ZNF536: variants seen among roughly 807,000 people sequenced by gnomAD.
ZNF536 encodes the protein zinc finger protein 536.
In ZNF536, 13 loss-of-function variants were observed where a neutral mutation model predicts 84.5. The ratio of observed to expected loss-of-function variants is 0.15; its 90% CI spans 0.10 to 0.24. The LOEUF (loss-of-function observed/expected upper bound fraction) is 0.24, where lower values mean the gene tolerates loss of function less well. ZNF536 is among the 10% of genes least tolerant of loss of function. ZNF536 has a pLI of 1.00. For synonymous variants in ZNF536, 811 were observed against 742.5 expected, an observed-to-expected ratio of 1.09 and a Z score of -1.50; for missense variants, 1,536 against 1,747.5, an observed-to-expected ratio of 0.88 and a Z score of 2.16.
chr19:30,665,418 G>A (rs1340111887), intron 1 of ZNF536: 1 of 152,228 alleles, frequency 6.6e-6, no homozygotes, highest in Non-Finnish European at 1.5e-5. Flanking sequence ...GCTGTCTTGG[G>A]GGATGTTTCT....
chr19:30,547,986 G>T lies in ZNF536; in HGVS notation c.2367G>T (p.Thr789=), dbSNP rs764448830. The T allele has an allele frequency of 1.3e-6, 2 of 1,596,112 alleles. No individual in the cohort carries two copies. Among genetic ancestry groups the T allele is most frequent in the South Asian group, 1.1e-5 (1 of 88,242 alleles). The stretch of plus-strand genomic sequence containing the variant: ...GTCCGCACTGTGACTATGCCGGCAC[G>T]CAGTCAGCATCCTTAAAATACCACT... ...YKCPHCDYAG[T]QSASLKYHLE... is the part of the protein sequence containing the mutation. The change falls in exon 4 of 5, where the codon ACG becomes ACT. Residue 789 remains threonine, a synonymous_variant. Coordinates refer to ENST00000355537, the MANE Select transcript of ZNF536 (RefSeq NM_014717.3).
chr19:30,470,443 C>G (rs2053584916), intron 2 of ZNF536, among the ~76,000 whole-genome samples: 2 of 150,676 alleles, frequency 1.3e-5, no homozygotes, highest in Non-Finnish European at 2.9e-5. Flanking sequence ...GGTCTAGGAT[C>G]TCATCCATAA....
rs772603204 is a variant in ZNF536 at position 30,647,448 on chromosome 19, G to A, written c.170-63309G>A. Among the ~76,000 whole-genome samples the A allele has an allele frequency of 1.1e-4, 17 of 152,046 alleles. No individual in the cohort carries two copies. The East Asian group carries it at 1.2e-3, about 10-fold the overall frequency. The stretch of plus-strand genomic sequence containing the variant: ...TCTAAGATGGTTCCCATCTGCTCCC[G>A]GAGTTATCAGTCCTTAGACACTCTA... On this transcript the variant is annotated intron_variant, in intron 1 of 1. Coordinates refer to the ZNF536 transcript ENST00000592773.
chr19:30,274,446 A>T (rs2026017821), intron 1 of ZNF536, among the ~76,000 whole-genome samples: 1 of 152,284 alleles, frequency 6.6e-6, no homozygotes, highest in Non-Finnish European at 1.5e-5. Context: ...AAGAATATTA[A>T]TGAGACATTT....
At chr19:30,459,456 T>C (rs546030971) in intron 2 of ZNF536, among the ~76,000 whole-genome samples, 16 of 151,964 alleles carry the variant, frequency 1.1e-4, no homozygotes, top group African/African-American at 3.9e-4. Flanking sequence ...GTTCAAGTGA[T>C]TCTCCCACTT....
intron 1 of ZNF536, among the ~76,000 whole-genome samples, chr19:30,580,206 CAG>C (rs961251754): frequency 2.7e-4 from 41 of 152,220 alleles, no homozygotes; most frequent in African/African-American, 8.7e-4. Flanking sequence ...GTCCAGGCCA[CAG>C]AGAGCCCCGG....
At chr19:30,667,592 T>C (rs2050380533) in intron 1 of ZNF536, among the ~76,000 whole-genome samples, 2 of 150,062 alleles carry the variant, frequency 1.3e-5, no homozygotes, top group African/African-American at 4.9e-5. Flanking sequence ...TAAAACAATG[T>C]CAGAAGACTC....
chr19:30,694,566 G>A (rs891088214), intron 1 of ZNF536, among the ~76,000 whole-genome samples: 19 of 152,192 alleles, frequency 1.2e-4, no homozygotes, highest in Admixed American at 3.3e-4. Context: ...GCTCCCCAGC[G>A]GCTGCCTCCA....
intron 2 of ZNF536, among the ~76,000 whole-genome samples, chr19:30,482,266 C>T (rs2054121380): frequency 1.3e-5 from 2 of 152,200 alleles, no homozygotes; most frequent in Admixed American, 1.3e-4. Context: ...CTGTTTTCCA[C>T]AGTGGTTGTA....
At chr19:30,380,812 C>G (rs1862626607) in intron 1 of ZNF536, among the ~76,000 whole-genome samples, 15 of 151,962 alleles carry the variant, frequency 9.9e-5, no homozygotes. Flanking sequence ...CCCAGGTGCC[C>G]GATGCGTGTT....
chr19:30,311,637 C>T (rs962010290), intron 2 of ZNF536, among the ~76,000 whole-genome samples: 2 of 152,216 alleles, frequency 1.3e-5, no homozygotes, highest in African/African-American at 4.8e-5. Flanking sequence ...TCTCTCTTCC[C>T]CCACCCCCAC....
At chr19:30,292,884 A>G (rs554876169) in intron 2 of ZNF536, among the ~76,000 whole-genome samples, 2 of 152,340 alleles carry the variant, frequency 1.3e-5, no homozygotes, top group South Asian at 2.1e-4. Flanking sequence ...AGGCATGTCA[A>G]CACGCACAGG....
intron 2 of ZNF536, among the ~76,000 whole-genome samples, chr19:30,520,968 C>A (rs2044297167): frequency 6.6e-6 from 1 of 152,238 alleles, no homozygotes; most frequent in Admixed American, 6.5e-5. Context: ...CAGTGGCTTC[C>A]CCACTCTGCC....
At chr19:30,473,800 T>C (rs1038538379) in intron 2 of ZNF536, among the ~76,000 whole-genome samples, 3 of 152,212 alleles carry the variant, frequency 2.0e-5, no homozygotes, top group African/African-American at 7.2e-5. Context: ...CCTTCCTTGA[T>C]GATGCTTACC....
rs1346284144 is a variant in ZNF536, at chr19:30,342,322, A to G, written c.-119-10046A>G. On this transcript the variant is annotated intron_variant, in intron 2 of 5. Coordinates refer to the ZNF536 transcript ENST00000585628. ...TACTCCAAGATGTTTATTTATTTAT[A>G]TATTTATTTATTTTGCTATCTTAAA... Among the ~76,000 whole-genome samples, 8 of 152,284 alleles carry G rather than the reference A, an allele frequency of 5.3e-5. No individual in the cohort carries two copies. The South Asian group carries it at 1.7e-3, about 32-fold the overall frequency.
rs1261007332 is a variant in ZNF536 at position 30,548,904 on chromosome 19, A to G, written c.3285A>G (p.Ala1095=). The change falls in exon 4 of 5, where the codon GCA becomes GCG. Residue 1095 remains alanine (A), a synonymous_variant. Coordinates refer to ENST00000355537, the MANE Select transcript of ZNF536 (RefSeq NM_014717.3). ...KETLGEQKSG[A]WTGHVDPAFC... is the part of the protein sequence containing the mutation. ...CTCTGGGAGAGCAGAAGAGCGGTGCATGGACCGGCCACGTGGACCCTGCAT... is the reference window on the plus strand; with the variant it reads ...CTCTGGGAGAGCAGAAGAGCGGTGCGTGGACCGGCCACGTGGACCCTGCAT... The G allele has an allele frequency of 6.2e-7, 1 of 1,614,140 alleles. No homozygotes were observed. Among genetic ancestry groups the G allele is most frequent in the African/African-American group, 1.3e-5 (1 of 75,030 alleles).
At chr19:30,369,112 T>G (rs553860648), upstream of ZNF536, among the ~76,000 whole-genome samples, 13 of 152,290 alleles carry the variant, frequency 8.5e-5, no homozygotes, top group South Asian at 6.2e-4. Flanking sequence ...GGAACTGAGG[T>G]GCTTATGTGC....
intron 2 of ZNF536, among the ~76,000 whole-genome samples, chr19:30,348,344 T>C (rs553983299): frequency 1.3e-5 from 2 of 152,330 alleles, no homozygotes; most frequent in African/African-American, 4.8e-5. Flanking sequence ...CTAAGTTGAA[T>C]AAACAGTGTC....
chr19:30,392,754 T>C (rs967235949), intron 1 of ZNF536, among the ~76,000 whole-genome samples: 1 of 152,196 alleles, frequency 6.6e-6, no homozygotes, highest in South Asian at 2.1e-4. Flanking sequence ...CTACATTACA[T>C]TACAGTAGAA....
Sources: gnomAD v4.1 joint callset for allele counts (sites outside exome capture counted in the v4.1 genomes callset) on GRCh38, gnomAD v4.1.1 for gene constraint, MANE v1.5 for transcripts, NCBI Gene and HGNC (gene_info 2026-07-23, HGNC 2026-07-21) for gene names.